Variants in RAP1GAP2 observed in about 807,000 individuals in gnomAD.
RAP1GAP2 encodes RAP1 GTPase activating protein 2.
Under a neutral mutation model 95.0 loss-of-function variants are expected in RAP1GAP2, and 27 were observed. The ratio of observed to expected loss-of-function variants is 0.28; its 90% CI spans 0.21 to 0.39. RAP1GAP2 has a LOEUF of 0.39. Among genes scored for constraint, RAP1GAP2 ranks in the 10% least tolerant of loss-of-function variants. The pLI, the probability that RAP1GAP2 is intolerant of heterozygous loss-of-function variation, is 1.00. For missense variants in RAP1GAP2, 771 were observed against 970.0 expected (o/e 0.79, Z 2.72); for synonymous variants, 373 against 380.9 (o/e 0.98, Z 0.24).
chr17:2,775,086 C>T (rs944122457), upstream of RAP1GAP2, among the ~76,000 whole-genome samples: 2 of 151,408 alleles, frequency 1.3e-5, no homozygotes, highest in Non-Finnish European at 2.9e-5. Context: ...CCCGCCTCAG[C>T]CTCCCAAAGC....
chr17:2,922,820 C>G (rs969765647), intron 3 of RAP1GAP2, among the ~76,000 whole-genome samples: 3 of 129,100 alleles, frequency 2.3e-5, no homozygotes, highest in East Asian at 4.4e-4. Flanking sequence ...CCAGTATTTT[C>G]TTTTTGTTTT....
At position 2,796,497 on chromosome 17, in the gene RAP1GAP2, C is replaced by T. The variant is rs773683059; in HGVS notation, c.-31C>T. ...AGCCCCGGGGACGTCGTTGGGACATCGCTGGGACCCCGGGCTCTGCAGCCA... is the reference window on the plus strand; with the variant it reads ...AGCCCCGGGGACGTCGTTGGGACATTGCTGGGACCCCGGGCTCTGCAGCCA... On this transcript the variant is annotated 5_prime_UTR_variant, in exon 1 of 25. Transcript: ENST00000254695. The surrounding 1 kb of genome is among the most constrained non-coding windows in gnomAD (Gnocchi z 4.7). The T allele has an allele frequency of 7.7e-6, 12 of 1,552,882 alleles. No individual in the cohort carries two copies. The highest frequency in any genetic ancestry group is 4.9e-5 in the East Asian group (2 of 41,154).
rs1232108828 is a variant in RAP1GAP2, at chr17:2,903,011, G to C, written c.81-2273G>C. Among the ~76,000 whole-genome samples, 1 of 152,152 alleles carries C rather than the reference G, an allele frequency of 6.6e-6. No individual in the cohort carries two copies. The highest frequency in any genetic ancestry group is 1.5e-5 in the Non-Finnish European group (1 of 68,044). On this transcript the variant is annotated intron_variant, in intron 2 of 24. Transcript: ENST00000254695. This position sits in a 1 kb window ranked among gnomAD's most constrained non-coding sequence, Gnocchi z 4.1. ...TTAAAACCAGCTCTGTCCTCCTCTG[G>C]ACTGTGTGTTTCTGGAGAGCCAGGG...
At chr17:2,907,506 G>A (rs1384460650) in intron 3 of RAP1GAP2, among the ~76,000 whole-genome samples, 5 of 152,060 alleles carry the variant, frequency 3.3e-5, no homozygotes, top group African/African-American at 1.2e-4. Context: ...AGTTAAACGT[G>A]GTGAATATTC....
In RAP1GAP2 at chr17:2,931,280, T is replaced by TTGTGTGTGTGTGTGTGTGTG. The variant is rs34690298; in HGVS notation, c.165+25926_165+25945dup. Among the ~76,000 whole-genome samples the TTGTGTGTGTGTGTGTGTGTG allele has an allele frequency of 1.6e-3, 232 of 146,740 alleles. 1 individual carries two copies. Among genetic ancestry groups the TTGTGTGTGTGTGTGTGTGTG allele is most frequent in the African/African-American group, 5.6e-3 (217 of 38,846 alleles). On this transcript the variant is annotated intron_variant, in intron 3 of 24. Coordinates refer to ENST00000254695, the MANE Select transcript of RAP1GAP2 (RefSeq NM_015085.5). Reference sequence around the variant, plus strand: ...TATGTTTGCCATGAGTGAGTGTTTCTTGTGTGTGTGTGTGTGTGTGTGTGT... The same window carrying TTGTGTGTGTGTGTGTGTGTG: ...TATGTTTGCCATGAGTGAGTGTTTCTTGTGTGTGTGTGTGTGTGTGTGTGTGTGTGTGTGTGTGTGTGTGT...
intron 1 of RAP1GAP2, among the ~76,000 whole-genome samples, chr17:2,768,823 C>A (rs895322348): frequency 3.9e-5 from 6 of 152,010 alleles, no homozygotes; most frequent in Non-Finnish European, 7.4e-5. Context: ...CCTGATCCTT[C>A]CATAGAACAG....
intron 2 of RAP1GAP2, among the ~76,000 whole-genome samples, chr17:2,843,326 C>T (rs1184012916): frequency 6.6e-6 from 1 of 151,624 alleles, no homozygotes; most frequent in African/African-American, 2.4e-5. Flanking sequence ...CGCTCTGTCG[C>T]CCAGGCTGGA....
intron 17 of RAP1GAP2, among the ~76,000 whole-genome samples, chr17:3,014,953 C>T (rs1317033507): frequency 6.6e-6 from 1 of 152,144 alleles, no homozygotes; most frequent in Non-Finnish European, 1.5e-5. Context: ...AGGAGGCTTA[C>T]TGGAGCCCAG....
At chr17:2,779,017 A>C (rs1014239975) in intron 1 of RAP1GAP2, among the ~76,000 whole-genome samples, 1 of 152,110 alleles carries the variant, frequency 6.6e-6, no homozygotes, top group African/African-American at 2.4e-5. Flanking sequence ...TGTGGGGCTC[A>C]AGTGGTTCCC....
chr17:2,929,446 G>C (rs983100820), intron 3 of RAP1GAP2, among the ~76,000 whole-genome samples: 1 of 152,096 alleles, frequency 6.6e-6, no homozygotes, highest in Non-Finnish European at 1.5e-5. Flanking sequence ...CCATCTGCAG[G>C]GTGGAAGAAG....
At chr17:2,808,556 T>C (rs1034652058) in intron 2 of RAP1GAP2, among the ~76,000 whole-genome samples, 2 of 152,146 alleles carry the variant, frequency 1.3e-5, no homozygotes, top group African/African-American at 4.8e-5. Context: ...GGGAAGCAGC[T>C]GCACGGCGTC....
At chr17:2,764,186 T>C (rs139503973) in intron 1 of RAP1GAP2, among the ~76,000 whole-genome samples, 52,613 of 149,754 alleles carry the variant, frequency 0.35, 9,954 homozygotes, top group East Asian at 0.53. Context: ...AATCCCAGCA[T>C]TTTGGGAGGC....
intron 22 of RAP1GAP2, 113 bp from the exon 23 acceptor site, chr17:3,030,809 T>G: frequency 1.0e-6 from 1 of 1,002,678 alleles, no homozygotes; most frequent in Non-Finnish European, 1.5e-6. Context: ...GGGTGCCTGG[T>G]CCTGGTGGAG....
chr17:2,848,497 CCTT>C (rs2071682620), intron 2 of RAP1GAP2, among the ~76,000 whole-genome samples: 1 of 93,180 alleles, frequency 1.1e-5, no homozygotes, highest in African/African-American at 3.9e-5. Flanking sequence ...TCTCTCTTTT[CCTT>C]CTTTTTTTTT....
chr17:2,990,059 T>C (rs780117815), intron 11 of RAP1GAP2, among the ~76,000 whole-genome samples: 59 of 152,252 alleles, frequency 3.9e-4, no homozygotes, highest in Non-Finnish European at 3.2e-4. Flanking sequence ...GGTCGTAGTA[T>C]GTATCAGCAC....
chr17:2,860,498 C>T (rs372358119), intron 2 of RAP1GAP2, among the ~76,000 whole-genome samples: 4 of 151,824 alleles, frequency 2.6e-5, no homozygotes, highest in Admixed American at 6.6e-5. Flanking sequence ...ATCCTCTCTC[C>T]TTATGGTGGC....
At chr17:2,790,763 G>A (rs1429483754) in intron 1 of RAP1GAP2, among the ~76,000 whole-genome samples, 5 of 152,210 alleles carry the variant, frequency 3.3e-5, no homozygotes, top group East Asian at 1.9e-4. Flanking sequence ...TGAGCTGCTC[G>A]AGCAGAGGAA....
chr17:3,011,232 G>A (rs2046530068), intron 17 of RAP1GAP2, among the ~76,000 whole-genome samples: 1 of 152,026 alleles, frequency 6.6e-6, no homozygotes, highest in African/African-American at 2.4e-5. Context: ...CCGGCCATTT[G>A]TGACCAGCTT....
At position 2,943,015 on chromosome 17, in the gene RAP1GAP2, C is replaced by T. The variant is rs565257980; in HGVS notation, c.166-14744C>T. On this transcript the variant is annotated intron_variant, in intron 3 of 24. Transcript: ENST00000254695. Reference sequence around the variant, plus strand: ...AACTCCTGACCTCAAGTGATCTGCCCGCCTTGGCCACCCAAAGTGCTGGGA... The same window carrying T: ...AACTCCTGACCTCAAGTGATCTGCCTGCCTTGGCCACCCAAAGTGCTGGGA... Among the ~76,000 whole-genome samples the T allele has an allele frequency of 2.4e-4, 37 of 152,066 alleles. No individual in the cohort carries two copies. The South Asian group carries it at 3.5e-3, about 15-fold the overall frequency.
Sources: allele counts gnomAD v4.1 joint callset (sites outside exome capture counted in the v4.1 genomes callset), GRCh38; gene constraint gnomAD v4.1.1; non-coding constraint Gnocchi (gnomAD v3.1); transcripts MANE v1.5; gene names NCBI Gene and HGNC (gene_info 2026-07-23, HGNC 2026-07-21).